The following RAB6A variants were observed in gnomAD, a reference collection of about 807,000 sequenced individuals.
The protein encoded by RAB6A is RAB6A, member RAS oncogene family.
Under a neutral mutation model 32.3 loss-of-function variants are expected in RAB6A, and 8 were observed. That is an observed-to-expected ratio of 0.25 (90% CI 0.15 to 0.45). RAB6A has a LOEUF of 0.45. Among genes scored for constraint, RAB6A ranks in the 20% least tolerant of loss-of-function variants. The probability of loss-of-function intolerance (pLI) is 1.00; values close to 1 mark genes in which losing one functional copy is unlikely to be tolerated. For synonymous variants in RAB6A, 73 were observed against 82.1 expected, an observed-to-expected ratio of 0.89 and a Z score of 0.60; for missense variants, 104 against 249.4, an observed-to-expected ratio of 0.42 and a Z score of 3.93.
intron 6 of RAB6A, among the ~76,000 whole-genome samples, chr11:73,680,012 T>G (rs1167577349): frequency 6.6e-6 from 1 of 152,096 alleles, no homozygotes; most frequent in Non-Finnish European, 1.5e-5. Context: ...CCTGGAGGAC[T>G]GCTTCAGCTC....
chr11:73,714,192 CAAAAA>C (rs71272251), intron 5 of RAB6A, among the ~76,000 whole-genome samples: 1 of 66,180 alleles, frequency 1.5e-5, no homozygotes, highest in African/African-American at 6.1e-5. Context: ...AACTCCATCT[CAAAAA>C]AAAAAAAAAA....
At chr11:73,739,044 G>T in intron 1 of RAB6A, among the ~76,000 whole-genome samples, 1 of 151,020 alleles carries the variant, frequency 6.6e-6, no homozygotes, top group East Asian at 2.0e-4. Context: ...GAGGTGGGCA[G>T]ATCACTTGAG....
At chr11:73,705,724 C>T (rs1351455592) in intron 6 of RAB6A, among the ~76,000 whole-genome samples, 6 of 147,570 alleles carry the variant, frequency 4.1e-5, no homozygotes, top group African/African-American at 1.0e-4. Flanking sequence ...TCACTTACTA[C>T]GTTCCATACA....
intron 1 of RAB6A, among the ~76,000 whole-genome samples, chr11:73,754,207 T>C (rs1290281933): frequency 3.3e-5 from 5 of 152,210 alleles, no homozygotes; most frequent in East Asian, 1.9e-4. Context: ...AATCATTAAC[T>C]GTATGTACCA....
At chr11:73,745,572 TTGTCTC>T (rs1565378110) in intron 1 of RAB6A, among the ~76,000 whole-genome samples, 1 of 151,900 alleles carries the variant, frequency 6.6e-6, no homozygotes, top group African/African-American at 2.4e-5. Context: ...TGGTGAAACC[TTGTCTC>T]TATTAAAAAT....
intron 1 of RAB6A, among the ~76,000 whole-genome samples, chr11:73,756,124 C>T (rs1004818412): frequency 4.6e-5 from 7 of 151,382 alleles, no homozygotes; most frequent in Admixed American, 6.6e-5. Context: ...AGGCTGAGGC[C>T]GGAGGATCTC....
chr11:73,697,958 G>A (rs1228400850), intron 6 of RAB6A, among the ~76,000 whole-genome samples: 1 of 152,146 alleles, frequency 6.6e-6, no homozygotes, highest in Non-Finnish European at 1.5e-5. Flanking sequence ...GGTGGCTCAC[G>A]CCTGTAACCC....
In RAB6A at chr11:73,714,209, AAT is replaced by A. The variant is rs1555059763; in HGVS notation, c.401+2040_401+2041del. Among the ~76,000 whole-genome samples the A allele has an allele frequency of 1.5e-3, 85 of 57,570 alleles. 1 individual carries two copies. Among genetic ancestry groups the A allele is most frequent in the Middle Eastern group, 0.017 (2 of 120 alleles). The allele number at this position is 57,570 out of a possible 152,430, so 37.8% of individuals were successfully genotyped here. On this transcript the variant is annotated intron_variant, in intron 5 of 7. Transcript: ENST00000336083. ...CTCCATCTCAAAAAAAAAAAAAAAAAATATATATATATATATATATACACACA... is the reference window on the plus strand; with the variant it reads ...CTCCATCTCAAAAAAAAAAAAAAAAAATATATATATATATATATACACACA...
intron 1 of RAB6A, among the ~76,000 whole-genome samples, chr11:73,735,742 T>C (rs1946382973): frequency 6.6e-6 from 1 of 152,050 alleles, no homozygotes; most frequent in South Asian, 2.1e-4. Flanking sequence ...ACCTAAATTC[T>C]TCAACAATAA....
chr11:73,690,893 T>TA (rs34825000), intron 6 of RAB6A, among the ~76,000 whole-genome samples: 130,213 of 143,482 alleles, frequency 0.91, 59,163 homozygotes, highest in East Asian at 1. Context: ...TAGGAAACAT[T>TA]AAAAAAAAAA....
intron 2 of RAB6A, chr11:73,722,337 A>AT (rs1946152503): frequency 3.0e-4 from 3 of 9,996 alleles, no homozygotes; most frequent in African/African-American, 1.1e-3. Flanking sequence ...ATATATATAT[A>AT]TATATATTTT....
intron 5 of RAB6A, among the ~76,000 whole-genome samples, chr11:73,711,940 T>C (rs913349259): frequency 2.0e-5 from 3 of 152,226 alleles, no homozygotes; most frequent in Non-Finnish European, 4.4e-5. Flanking sequence ...TTCATATTTC[T>C]AGTCAATTTT....
chr11:73,723,840 A>G (rs1357341743), intron 2 of RAB6A, among the ~76,000 whole-genome samples: 1 of 152,222 alleles, frequency 6.6e-6, no homozygotes, highest in Admixed American at 6.5e-5. Context: ...TTATGGTACG[A>G]TGTCAATATT....
In RAB6A at chr11:73,758,476, C is replaced by G. The variant is rs920453904; in HGVS notation, c.70+2090G>C. On this transcript the variant is annotated intron_variant, in intron 1 of 7. Transcript: ENST00000336083. ...TTTCAATTTTTCTGTAAGTCTAAAA[C>G]TGTTCTAAAAAATGAAGTCTATTAA... is the stretch of plus-strand genomic sequence containing the variant. 2.0e-5 allele frequency among the ~76,000 whole-genome samples: 3 copies of G among 151,982 alleles called. No homozygotes were observed. In the South Asian group the frequency reaches 6.2e-4, roughly 31 times the overall value.
At chr11:73,753,848 G>T (rs1471041388) in intron 1 of RAB6A, among the ~76,000 whole-genome samples, 1 of 152,192 alleles carries the variant, frequency 6.6e-6, no homozygotes, top group Admixed American at 6.5e-5. Context: ...CACTCATCAT[G>T]CTATATTGTA....
chr11:73,740,007 C>G (rs574937007), intron 1 of RAB6A, among the ~76,000 whole-genome samples: 1 of 150,174 alleles, frequency 6.7e-6, no homozygotes, highest in Non-Finnish European at 1.5e-5. Context: ...TGCAGTGAGC[C>G]GAGACTGCGC....
In RAB6A at chr11:73,691,315, C is replaced by A. The variant is rs531463702; in HGVS notation, c.496-11595G>T. ...GCTTTCTCCTGGGGTCTGCCCTCGC[C>A]AGAGCATCCCCTGGGCACCCAGCTA... is the stretch of plus-strand genomic sequence containing the variant. On this transcript the variant is annotated intron_variant, in intron 6 of 7. Coordinates refer to ENST00000336083, the MANE Select transcript of RAB6A (RefSeq NM_198896.2). Among the ~76,000 whole-genome samples, 11 of 152,304 alleles carry A rather than the reference C, an allele frequency of 7.2e-5. No homozygotes were observed. In the East Asian group the frequency reaches 9.6e-4, roughly 13 times the overall value.
At chr11:73,713,084 G>A (rs544354369) in intron 5 of RAB6A, among the ~76,000 whole-genome samples, 1 of 152,096 alleles carries the variant, frequency 6.6e-6, no homozygotes, top group South Asian at 2.1e-4. Flanking sequence ...TCAGAGGTGA[G>A]AGGGGTATTC....
chr11:73,701,638 T>G (rs1945747707), intron 6 of RAB6A, among the ~76,000 whole-genome samples: 1 of 152,138 alleles, frequency 6.6e-6, no homozygotes, highest in Admixed American at 6.6e-5. Context: ...TGGGGACATT[T>G]CTTTTTTCTT....
Sources: gnomAD v4.1 joint callset for allele counts (sites outside exome capture counted in the v4.1 genomes callset) on GRCh38, gnomAD v4.1.1 for gene constraint, MANE v1.5 for transcripts, NCBI Gene and HGNC (gene_info 2026-07-23, HGNC 2026-07-21) for gene names.